HERC1: variants seen among roughly 807,000 people sequenced by gnomAD.
HERC1 encodes HECT and RLD domain containing E3 ubiquitin protein ligase family member 1.
HERC1 carries 160 observed loss-of-function variants against 554.3 expected under a neutral mutation model. That is an observed-to-expected ratio of 0.29 (90% CI 0.25 to 0.33). The LOEUF (loss-of-function observed/expected upper bound fraction) is 0.33. Among genes scored for constraint, HERC1 ranks in the 10% least tolerant of loss-of-function variants. The probability of loss-of-function intolerance (pLI) is 1.00; values close to 1 mark genes in which losing one functional copy is unlikely to be tolerated. For synonymous variants in HERC1, 2,175 were observed against 2,131.7 expected, an observed-to-expected ratio of 1.02 and a Z score of -0.56; for missense variants, 4,919 against 5,918.5, an observed-to-expected ratio of 0.83 and a Z score of 5.54.
Position 63,802,413 on chromosome 15 carries a change from A to T in HERC1, c.-26-26764T>A, listed in dbSNP as rs947991183. ...GAACTAGTCAAATAAACCTGGAAAC[A>T]GACGTGCCTATTCGGTGAGTAAAGA... On this transcript the variant is annotated intron_variant, in intron 1 of 77. Coordinates refer to ENST00000443617, the MANE Select transcript of HERC1 (RefSeq NM_003922.4). 8.7e-4 allele frequency among the ~76,000 whole-genome samples: 132 copies of T among 152,250 alleles called. 1 individual carries two copies. Among genetic ancestry groups the T allele is most frequent in the African/African-American group, 3.1e-3 (128 of 41,476 alleles).
chr15:63,616,255 T>TC (rs10649206), intron 75 of HERC1, among the ~76,000 whole-genome samples, 175 bp downstream of exon 75: 1 of 151,476 alleles, frequency 6.6e-6, no homozygotes, highest in Admixed American at 6.6e-5. Context: ...GCCTGCTCTA[T>TC]TAGAAGCTGT....
chr15:63,622,775 T>C, intron 74 of HERC1, 40 bp downstream of exon 74: 1 of 1,428,744 alleles, frequency 7.0e-7, no homozygotes, highest in Non-Finnish European at 9.5e-7. Flanking sequence ...GCTATTATTA[T>C]TATTTTAGAC....
At chr15:63,732,149 A>C (rs933362626) in intron 14 of HERC1, among the ~76,000 whole-genome samples, 1 of 151,968 alleles carries the variant, frequency 6.6e-6, no homozygotes, top group African/African-American at 2.4e-5. Flanking sequence ...TATAGATGCC[A>C]GCCGCCACGC....
intron 1 of HERC1, among the ~76,000 whole-genome samples, chr15:63,826,810 AAAAAATATATATATATATAT>A (rs2077940464): frequency 2.0e-5 from 1 of 50,092 alleles, no homozygotes; most frequent in East Asian, 3.4e-4. Context: ...AAAAAAAAAA[AAAAAATATATATATATATAT>A]ATATATATAT....
intron 40 of HERC1, 150 bp from the exon 41 acceptor site, chr15:63,666,622 C>T (rs1402123223): frequency 3.4e-6 from 2 of 591,308 alleles, no homozygotes; most frequent in Non-Finnish European, 6.0e-6. Flanking sequence ...GTGGCTCACA[C>T]CTGTAATCCC....
Position 63,616,423 on chromosome 15 carries a change from G to C in HERC1, c.13941+7C>G, listed in dbSNP as rs773454694. 3 of 1,611,550 alleles carry C rather than the reference G, an allele frequency of 1.9e-6. No homozygotes were observed. The highest frequency in any genetic ancestry group is 1.7e-5 in the Admixed American group (1 of 59,948). ...ACCAGTAGAAACATAGACTGGCCAG[G>C]ATTTACCTCATGGAAACTCTCCTCG... On this transcript the variant is annotated splice_region_variant and intron_variant, in intron 75 of 77. Transcript: ENST00000443617.
intron 24 of HERC1, 78 bp downstream of exon 24, chr15:63,712,697 A>T: frequency 7.6e-7 from 1 of 1,320,804 alleles, no homozygotes; most frequent in Non-Finnish European, 1.0e-6. Context: ...CAAACATATT[A>T]CTTACTCTAA....
At chr15:63,762,047 T>C (rs1166268113) in intron 3 of HERC1, among the ~76,000 whole-genome samples, 12 of 152,204 alleles carry the variant, frequency 7.9e-5, no homozygotes, top group Admixed American at 7.9e-4. Context: ...GGTCTTGAAA[T>C]ATCATTTTCC....
chr15:63,739,801 G>A (rs2074716802), intron 12 of HERC1, among the ~76,000 whole-genome samples: 1 of 152,174 alleles, frequency 6.6e-6, no homozygotes, highest in African/African-American at 2.4e-5. Flanking sequence ...TCGAGCCACT[G>A]CACTCCAGCT....
chr15:63,624,360 A>G (rs1349066738), intron 71 of HERC1, 33 bp from the exon 72 acceptor site: 2 of 1,540,828 alleles, frequency 1.3e-6, no homozygotes, highest in Middle Eastern at 3.5e-4. Flanking sequence ...CAGAAATGGT[A>G]CAATCTAGGC....
intron 13 of HERC1, among the ~76,000 whole-genome samples, chr15:63,733,503 T>C (rs918756718): frequency 6.6e-6 from 1 of 152,178 alleles, no homozygotes; most frequent in Non-Finnish European, 1.5e-5. Context: ...CAATTACTTA[T>C]TCTAATGTTC....
In HERC1 at chr15:63,680,672, G is replaced by T. The variant is rs774422957; in HGVS notation, c.6330C>A (p.Leu2110=). 1 of 1,613,800 alleles carries T rather than the reference G, an allele frequency of 6.2e-7. No homozygotes were observed. Among genetic ancestry groups the T allele is most frequent in the Non-Finnish European group, 8.5e-7 (1 of 1,179,762 alleles). The change falls in exon 35 of 78, where the codon CTC becomes CTA. Residue 2110 remains leucine, a synonymous_variant. Transcript: ENST00000443617. The surrounding 1 kb of genome is among the most constrained non-coding windows in gnomAD (Gnocchi z 5.8). ...FNHRTTSDMW[L]YRAYSGNLYH... is the part of the protein sequence containing the mutation. Reference sequence around the variant, plus strand: ...AGAGGTTACCACTGTAGGCCCTATAGAGCCACATATCCGAGGTAGTGCGGT... The same window carrying T: ...AGAGGTTACCACTGTAGGCCCTATATAGCCACATATCCGAGGTAGTGCGGT...
Position 63,784,252 on chromosome 15 carries a change from T to C in HERC1, c.-26-8603A>G, listed in dbSNP as rs146373739. 7.1e-3 allele frequency among the ~76,000 whole-genome samples: 1,076 copies of C among 152,148 alleles called. 14 individuals carry two copies. The highest frequency in any genetic ancestry group is 0.025 in the African/African-American group (1,035 of 41,484). On this transcript the variant is annotated intron_variant, in intron 1 of 77. Transcript: ENST00000443617. ...GAAAATATTTTCAAATTGACTATTATCTAACAAATAATTCAAAAATATACA... is the reference window on the plus strand; with the variant it reads ...GAAAATATTTTCAAATTGACTATTACCTAACAAATAATTCAAAAATATACA...
At chr15:63,750,379 T>C (rs891970944) in intron 8 of HERC1, among the ~76,000 whole-genome samples, 6 of 152,100 alleles carry the variant, frequency 3.9e-5, no homozygotes, top group Non-Finnish European at 8.8e-5. Flanking sequence ...TTTAAGATGC[T>C]TGGGGAAAGG....
Position 63,690,574 on chromosome 15 carries a change from A to G in HERC1, c.5904T>C (p.Cys1968=). 6.2e-7 allele frequency: 1 copy of G among 1,613,080 alleles called. No homozygotes were observed. Among genetic ancestry groups the G allele is most frequent in the Non-Finnish European group, 8.5e-7 (1 of 1,179,258 alleles). The change falls in exon 32 of 78, where the codon TGT becomes TGC. Residue 1968 remains cysteine, a synonymous_variant. Coordinates refer to ENST00000443617, the MANE Select transcript of HERC1 (RefSeq NM_003922.4). ...TTTGATCATCTTCTACACCAGATTC[A>G]CAAGCTGGCAGCACAGCTTCAAGGA... ...LHVLEAVLPA[C]ESGVEDDQMA... is the part of the protein sequence containing the mutation.
At chr15:63,632,662 G>T in intron 68 of HERC1, 47 bp downstream of exon 68, 1 of 1,256,338 alleles carries the variant, frequency 8.0e-7, no homozygotes, top group Non-Finnish European at 1.1e-6. Flanking sequence ...GAAGGCCAAT[G>T]TTTATAATGA....
At chr15:63,681,730 G>A (rs1045033816) in intron 34 of HERC1, among the ~76,000 whole-genome samples, 8 of 152,264 alleles carry the variant, frequency 5.3e-5, no homozygotes, top group Middle Eastern at 3.4e-3. Context: ...AGGTGTCTAC[G>A]TGACCAGCCC....
At chr15:63,814,318 T>C (rs1384338797) in intron 1 of HERC1, among the ~76,000 whole-genome samples, 1 of 152,208 alleles carries the variant, frequency 6.6e-6, no homozygotes, top group Non-Finnish European at 1.5e-5. Context: ...TTTCCATTTG[T>C]TAAAATGCAA....
rs766427375 is a variant in HERC1, at chr15:63,656,172, G to A, written c.9786C>T (p.Cys3262=). The stretch of plus-strand genomic sequence containing the variant: ...CCACTGCTGTGCTCAAATAGGCCAG[G>A]CAAGAGATAGGCTTGTTAGCCTTGC... ...GHSKANKPIS[C]LAYLSTAVGC... is the part of the protein sequence containing the mutation. The change falls in exon 49 of 78, where the codon TGC becomes TGT. Residue 3262 remains cysteine, a synonymous_variant. Transcript: ENST00000443617. 6.2e-7 allele frequency: 1 copy of A among 1,612,616 alleles called. No individual in the cohort carries two copies. Among genetic ancestry groups the A allele is most frequent in the South Asian group, 1.1e-5 (1 of 90,792 alleles).
Sources: allele counts gnomAD v4.1 joint callset (sites outside exome capture counted in the v4.1 genomes callset), GRCh38; gene constraint gnomAD v4.1.1; non-coding constraint Gnocchi (gnomAD v3.1); transcripts MANE v1.5; gene names NCBI Gene and HGNC (gene_info 2026-07-23, HGNC 2026-07-21).